The following EYA2 variants were observed in gnomAD, a reference collection of about 807,000 sequenced individuals.
EYA2 encodes EYA transcriptional coactivator and phosphatase 2.
EYA2 carries 31 observed loss-of-function variants against 69.2 expected under a neutral mutation model. That is an observed-to-expected ratio of 0.45 (90% CI 0.34 to 0.60). The LOEUF (loss-of-function observed/expected upper bound fraction) is 0.60. Ranked by LOEUF, EYA2 falls within the 20% of genes least tolerant of loss-of-function variation. The probability of loss-of-function intolerance (pLI) is 0.02; values close to 1 mark genes in which losing one functional copy is unlikely to be tolerated. For synonymous variants in EYA2, 257 were observed against 279.4 expected, an observed-to-expected ratio of 0.92 and a Z score of 0.80; for missense variants, 622 against 701.2, an observed-to-expected ratio of 0.89 and a Z score of 1.28.
intron 1 of EYA2, among the ~76,000 whole-genome samples, chr20:46,955,068 A>G (rs1316257152): frequency 6.6e-6 from 1 of 150,988 alleles, no homozygotes; most frequent in African/African-American, 2.4e-5. Flanking sequence ...GCAGGTTTTC[A>G]TTCTCTTCTC....
intron 1 of EYA2, chr20:46,978,316 T>C: frequency 3.3e-6 from 1 of 306,272 alleles, no homozygotes; most frequent in Non-Finnish European, 6.5e-6. Flanking sequence ...CTGTAAAAAC[T>C]GTTACAGTGA....
At chr20:46,896,667 A>C (rs1341289573) in intron 1 of EYA2, among the ~76,000 whole-genome samples, 1 of 152,202 alleles carries the variant, frequency 6.6e-6, no homozygotes, top group East Asian at 1.9e-4. Flanking sequence ...CTAAGCATTA[A>C]ATTGTGTTTG....
intron 1 of EYA2, among the ~76,000 whole-genome samples, chr20:46,980,110 G>A (rs1427510921): frequency 1.3e-5 from 2 of 152,132 alleles, no homozygotes; most frequent in Non-Finnish European, 2.9e-5. Context: ...GCAAGCTGTG[G>A]TTAAGAGCAC....
chr20:47,098,835 A>T (rs1329581087), intron 9 of EYA2, among the ~76,000 whole-genome samples: 2 of 152,184 alleles, frequency 1.3e-5, no homozygotes, highest in East Asian at 3.9e-4. Flanking sequence ...TTCCCCATTG[A>T]CAAGCCTACC....
intron 5 of EYA2, among the ~76,000 whole-genome samples, chr20:47,068,655 G>T (rs1426384479): frequency 6.6e-6 from 1 of 152,150 alleles, no homozygotes; most frequent in Non-Finnish European, 1.5e-5. Flanking sequence ...AGTTCTTTGG[G>T]AGATTCTGAT....
At chr20:46,948,924 T>G (rs1657088046) in intron 1 of EYA2, among the ~76,000 whole-genome samples, 1 of 152,232 alleles carries the variant, frequency 6.6e-6, no homozygotes, top group African/African-American at 2.4e-5. Flanking sequence ...TATATATTTA[T>G]TATTTATTGT....
intron 15 of EYA2, among the ~76,000 whole-genome samples, chr20:47,183,789 A>G (rs2034584049): frequency 6.6e-6 from 1 of 152,102 alleles, no homozygotes; most frequent in Non-Finnish European, 1.5e-5. Flanking sequence ...AAAATCCTGC[A>G]TTTGTGATCT....
At chr20:47,064,332 G>A (rs746156621) in intron 5 of EYA2, among the ~76,000 whole-genome samples, 43 of 152,166 alleles carry the variant, frequency 2.8e-4, no homozygotes, top group Admixed American at 3.9e-4. Flanking sequence ...TCTTTATGGC[G>A]GAATAATATT....
intron 2 of EYA2, among the ~76,000 whole-genome samples, chr20:46,992,273 TATC>T (rs1981727067): frequency 6.6e-6 from 1 of 152,176 alleles, no homozygotes; most frequent in South Asian, 2.1e-4. Flanking sequence ...GTACTGTTAT[TATC>T]CCCATTTTAC....
At chr20:46,927,708 G>A (rs188193967) in intron 1 of EYA2, among the ~76,000 whole-genome samples, 11 of 152,296 alleles carry the variant, frequency 7.2e-5, no homozygotes, top group African/African-American at 2.4e-4. Flanking sequence ...CAACACGTGG[G>A]AATTATGGGA....
intron 9 of EYA2, among the ~76,000 whole-genome samples, chr20:47,138,485 C>T (rs905862646): frequency 4.6e-5 from 7 of 152,138 alleles, no homozygotes; most frequent in African/African-American, 9.7e-5. Flanking sequence ...CATGGTGGCT[C>T]ACGCCTGTAA....
At chr20:46,912,055 C>T (rs991334545) in intron 1 of EYA2, among the ~76,000 whole-genome samples, 1 of 152,178 alleles carries the variant, frequency 6.6e-6, no homozygotes, top group Non-Finnish European at 1.5e-5. Flanking sequence ...CCCATAAATA[C>T]ATACAATTGT....
chr20:47,024,749 A>G (rs1452159630), intron 5 of EYA2, among the ~76,000 whole-genome samples: 1 of 152,224 alleles, frequency 6.6e-6, no homozygotes, highest in Admixed American at 6.5e-5. Context: ...TCCTCTTGCA[A>G]GGATCACTGT....
intron 5 of EYA2, among the ~76,000 whole-genome samples, chr20:47,052,667 A>G (rs1177975040): frequency 6.6e-6 from 1 of 151,986 alleles, no homozygotes; most frequent in Non-Finnish European, 1.5e-5. Context: ...CTGTTGCCCA[A>G]ACTGGAGTGC....
chr20:46,916,693 T>C (rs1216092810), intron 1 of EYA2, among the ~76,000 whole-genome samples: 1 of 152,152 alleles, frequency 6.6e-6, no homozygotes, highest in East Asian at 1.9e-4. Flanking sequence ...GACTTTCCTT[T>C]CTTCTGGGAT....
chr20:47,117,580 A>G (rs2032935542), intron 9 of EYA2: 10 of 985,266 alleles, frequency 1.0e-5, no homozygotes, highest in Admixed American at 6.2e-5. Flanking sequence ...TAGGGATTCA[A>G]TCAGATCCAG....
chr20:47,163,061 G>T (rs998413477), intron 10 of EYA2, among the ~76,000 whole-genome samples: 3 of 147,798 alleles, frequency 2.0e-5, no homozygotes, highest in African/African-American at 7.6e-5. Context: ...ACAGAGTCTT[G>T]CTCTGTCACC....
intron 1 of EYA2, among the ~76,000 whole-genome samples, chr20:46,987,916 GTCTCTCTCTCTCTCTCTCTC>G (rs1555809755): frequency 0.012 from 236 of 20,386 alleles, 39 homozygotes; most frequent in African/African-American, 0.037. Flanking sequence ...GACAGAGTAA[GTCTCTCTCTCTCTCTCTCTC>G]TCTCTCTCTC....
At chr20:47,115,918 C>T (rs2032878026) in intron 9 of EYA2, among the ~76,000 whole-genome samples, 2 of 152,206 alleles carry the variant, frequency 1.3e-5, no homozygotes, top group Admixed American at 1.3e-4. Flanking sequence ...CAGCCTCCTG[C>T]TCACATGCAC....
Sources: gnomAD v4.1 joint callset for allele counts (sites outside exome capture counted in the v4.1 genomes callset) on GRCh38, gnomAD v4.1.1 for gene constraint, MANE v1.5 for transcripts, NCBI Gene and HGNC (gene_info 2026-07-23, HGNC 2026-07-21) for gene names.